The following PLEKHA7 variants were observed in gnomAD, a reference collection of about 807,000 sequenced individuals.
PLEKHA7 encodes the protein pleckstrin homology domain-containing family A member 7.
In PLEKHA7, 104 loss-of-function variants were observed where a neutral mutation model predicts 170.0. The ratio of observed to expected loss-of-function variants is 0.61; its 90% confidence interval spans 0.52 to 0.72. The LOEUF (loss-of-function observed/expected upper bound fraction) is 0.72. Among genes scored for constraint, PLEKHA7 ranks in the 30% least tolerant of loss-of-function variants. PLEKHA7 has a pLI of 0.00. For missense variants in PLEKHA7, 1,615 were observed against 1,671.7 expected (o/e 0.97, Z 0.59); for synonymous variants, 648 against 660.8 (o/e 0.98, Z 0.30).
intron 3 of PLEKHA7, among the ~76,000 whole-genome samples, chr11:16,906,352 G>A (rs1436920337): frequency 4.3e-5 from 4 of 93,208 alleles, no homozygotes; most frequent in South Asian, 3.8e-4. Flanking sequence ...CTCTTTCCAC[G>A]GTCTCCCCCT....
At chr11:16,916,335 T>C (rs192400194) in intron 3 of PLEKHA7, among the ~76,000 whole-genome samples, 20 of 152,292 alleles carry the variant, frequency 1.3e-4, no homozygotes, top group African/African-American at 4.1e-4. Context: ...GGTAGTTTCT[T>C]TGGCTGTGCA....
In PLEKHA7 at chr11:16,802,797, T is replaced by C. The variant is rs540666898; in HGVS notation, c.2157+175A>G. Among the ~76,000 whole-genome samples the C allele has an allele frequency of 3.4e-4, 52 of 152,238 alleles. 1 individual carries two copies. The highest frequency in any genetic ancestry group is 1.2e-3 in the African/African-American group (50 of 41,542). On this transcript the variant is annotated intron_variant, in intron 15 of 26. Coordinates refer to ENST00000531066, the MANE Select transcript of PLEKHA7 (RefSeq NM_001329630.2). ...TCCTGACCTCATGATCCACCTGCCTTGGCCTTCCAAAGTGCTGAGATTACA... is the reference window on the plus strand; with the variant it reads ...TCCTGACCTCATGATCCACCTGCCTCGGCCTTCCAAAGTGCTGAGATTACA...
chr11:16,991,815 T>C (rs550334265), intron 3 of PLEKHA7, among the ~76,000 whole-genome samples: 1 of 152,238 alleles, frequency 6.6e-6, no homozygotes, highest in African/African-American at 2.4e-5. Flanking sequence ...CCAGCTGCTA[T>C]ACTAGCAGAC....
rs547040639 is a variant in PLEKHA7 at position 16,829,690 on chromosome 11, C to T, written c.873-3100G>A. Reference sequence around the variant, plus strand: ...ACTCAGGAGGCTGAGGCAGGAGAATCGCTTGAACCTGGGAGGCACAGGTTG... The same window carrying T: ...ACTCAGGAGGCTGAGGCAGGAGAATTGCTTGAACCTGGGAGGCACAGGTTG... On this transcript the variant is annotated intron_variant, in intron 9 of 26. Transcript: ENST00000531066. Among the ~76,000 whole-genome samples the T allele has an allele frequency of 7.2e-5, 11 of 152,200 alleles. No homozygotes were observed. In the South Asian group the frequency reaches 1.7e-3, roughly 23 times the overall value.
chr11:16,913,340 G>A (rs149527991), intron 3 of PLEKHA7, among the ~76,000 whole-genome samples: 5 of 152,258 alleles, frequency 3.3e-5, no homozygotes, highest in East Asian at 1.9e-4. Flanking sequence ...TGCAGAGGGC[G>A]CGGGAGATGC....
chr11:16,872,765 A>T lies in PLEKHA7; in HGVS notation c.222-1583T>A, dbSNP rs1854964009. On this transcript the variant is annotated intron_variant, in intron 3 of 26. Transcript: ENST00000531066. ...CAACCCTAGGCTCAAGTGATCCACC[A>T]GGCTTACCTCCCAAAGCGTTAGGAT... Among the ~76,000 whole-genome samples, 3 of 151,986 alleles carry T rather than the reference A, an allele frequency of 2.0e-5. No individual in the cohort carries two copies. In the South Asian group the frequency reaches 6.2e-4, roughly 31 times the overall value.
intron 3 of PLEKHA7, among the ~76,000 whole-genome samples, chr11:16,882,579 A>T (rs1006362872): frequency 3.3e-5 from 5 of 152,236 alleles, no homozygotes; most frequent in African/African-American, 1.2e-4. Context: ...GCTTGGACAG[A>T]ACTGTTTTGG....
At chr11:16,859,299 A>G (rs747832535) in intron 4 of PLEKHA7, among the ~76,000 whole-genome samples, 23 of 152,266 alleles carry the variant, frequency 1.5e-4, no homozygotes, top group Non-Finnish European at 2.2e-4. Context: ...TCAACGTAGA[A>G]CATGATCTCT....
At position 16,816,155 on chromosome 11, in the gene PLEKHA7, C is replaced by G. The variant is rs376818760; in HGVS notation, c.1953+23G>C. ...TGTTGATGAGATAGGGCTTTGCAGG[C>G]TATGTCTTGTCATTCACCCTACCGA... On this transcript the variant is annotated intron_variant, in intron 12 of 26. Transcript: ENST00000531066. 3.2e-6 allele frequency: 5 copies of G among 1,579,070 alleles called. No individual in the cohort carries two copies. In the African/African-American group the frequency reaches 5.4e-5, roughly 17 times the overall value.
chr11:16,860,318 A>G (rs1853838924), intron 4 of PLEKHA7, among the ~76,000 whole-genome samples: 1 of 152,228 alleles, frequency 6.6e-6, no homozygotes, highest in South Asian at 2.1e-4. Context: ...TTATAGATAC[A>G]GAAGCTATTT....
intron 3 of PLEKHA7, among the ~76,000 whole-genome samples, chr11:16,974,211 G>A (rs576429196): frequency 2.0e-5 from 3 of 150,386 alleles, no homozygotes; most frequent in Admixed American, 6.6e-5. Flanking sequence ...AGGCTGCAGC[G>A]AGCCAGGATT....
chr11:16,976,603 C>T (rs1476354283), intron 3 of PLEKHA7, among the ~76,000 whole-genome samples: 1 of 152,228 alleles, frequency 6.6e-6, no homozygotes, highest in East Asian at 1.9e-4. Flanking sequence ...GGTGGTTGGA[C>T]TAGCTGCTAT....
At chr11:16,825,356 C>T (rs7926392) in intron 10 of PLEKHA7, among the ~76,000 whole-genome samples, 3,412 of 152,320 alleles carry the variant, frequency 0.022, 132 homozygotes, top group African/African-American at 0.078. Context: ...GCATCCGCTG[C>T]AATCCCTGGG....
In PLEKHA7 at chr11:16,851,275, C is replaced by A. The variant is rs61757730; in HGVS notation, c.612G>T (p.Ala204=). ...LFYYKDSREE[A]VLGSIPLPSY... is the part of the protein sequence containing the mutation. ...TGGGCAAGGGGATGCTCCCGAGGAC[C>A]GCTTCTTCTCGGCTGTCTTTGAATG... Residue 204 remains alanine (A), a synonymous_variant, in exon 8 of 27, where the codon GCG becomes GCT. Coordinates refer to ENST00000531066, the MANE Select transcript of PLEKHA7 (RefSeq NM_001329630.2). 6.2e-7 allele frequency: 1 copy of A among 1,610,472 alleles called. No homozygotes were observed. The highest frequency in any genetic ancestry group is 1.1e-5 in the South Asian group (1 of 90,016).
chr11:16,812,876 C>G (rs1849474231), intron 13 of PLEKHA7, among the ~76,000 whole-genome samples: 1 of 152,224 alleles, frequency 6.6e-6, no homozygotes, highest in Non-Finnish European at 1.5e-5. Flanking sequence ...ATCAAGGTCT[C>G]AAGCCCTCAT....
chr11:16,841,834 C>G (rs917513537), intron 8 of PLEKHA7, 112 bp from the exon 9 acceptor site: 1 of 1,083,452 alleles, frequency 9.2e-7, no homozygotes, highest in Non-Finnish European at 1.3e-6. Context: ...CCAAGCACCA[C>G]CCAACTTGTT....
chr11:16,838,126 C>A (rs1851661536), intron 9 of PLEKHA7, among the ~76,000 whole-genome samples: 1 of 152,102 alleles, frequency 6.6e-6, no homozygotes. Flanking sequence ...TCAGAGCACA[C>A]AGGAAAGGAG....
intron 8 of PLEKHA7, chr11:16,842,705 G>A (rs187469361): frequency 6.6e-6 from 1 of 151,744 alleles, no homozygotes; most frequent in East Asian, 1.9e-4. Context: ...CTTGTGCTCT[G>A]ATAAACCAGA....
In PLEKHA7 at chr11:16,789,458, C is replaced by A; in HGVS notation, c.3157-162G>T. ...AGAGAACTATTTCCTCTAAGCAACA[C>A]GATGCCCCCAACCCTCAGGAGCTTT... On this transcript the variant is annotated intron_variant, in intron 22 of 26. Transcript: ENST00000531066. The surrounding 1 kb of genome is among the most constrained non-coding windows in gnomAD (Gnocchi z 4.6). 1 of 683,986 alleles carries A rather than the reference C, an allele frequency of 1.5e-6. No individual in the cohort carries two copies. The highest frequency in any genetic ancestry group is 1.8e-5 in the South Asian group (1 of 54,166). 42.4% of individuals were successfully genotyped at this position (683,986 alleles called of 1,614,324 possible).
Sources: allele counts gnomAD v4.1 joint callset (sites outside exome capture counted in the v4.1 genomes callset), GRCh38; gene constraint gnomAD v4.1.1; non-coding constraint Gnocchi (gnomAD v3.1); transcripts MANE v1.5; gene names NCBI Gene and HGNC (gene_info 2026-07-23, HGNC 2026-07-21).